Variants in OSBPL8 observed in about 807,000 individuals in gnomAD.
OSBPL8 encodes the protein oxysterol-binding protein-related protein 8.
Under a neutral mutation model 125.5 loss-of-function variants are expected in OSBPL8, and 59 were observed. The observed-to-expected ratio is 0.47, with a 90% confidence interval of 0.38 to 0.58. The LOEUF (loss-of-function observed/expected upper bound fraction) is 0.58, where lower values mean the gene tolerates loss of function less well. Among genes scored for constraint, OSBPL8 ranks in the 20% least tolerant of loss-of-function variants. The pLI, the probability that OSBPL8 is intolerant of heterozygous loss-of-function variation, is 0.00. For synonymous variants in OSBPL8, 330 were observed against 338.9 expected (o/e 0.97, Z 0.29); for missense variants, 758 against 1,047.8 (o/e 0.72, Z 3.82).
At chr12:76,410,235 C>T (rs1161469358) in intron 5 of OSBPL8, among the ~76,000 whole-genome samples, 1 of 152,010 alleles carries the variant, frequency 6.6e-6, no homozygotes, top group African/African-American at 2.4e-5. Context: ...ACTCAAAACA[C>T]TTAAGATTTT....
intron 1 of OSBPL8, among the ~76,000 whole-genome samples, chr12:76,508,620 T>C (rs191808578): frequency 1.1e-4 from 17 of 152,224 alleles, no homozygotes; most frequent in Admixed American, 5.9e-4. Flanking sequence ...ATAAAACAGG[T>C]TGTGATAAAA....
At chr12:76,429,798 T>C (rs1870597267) in intron 4 of OSBPL8, among the ~76,000 whole-genome samples, 1 of 152,050 alleles carries the variant, frequency 6.6e-6, no homozygotes. Context: ...GGAATAATGC[T>C]TACTGTCTCT....
intron 5 of OSBPL8, among the ~76,000 whole-genome samples, chr12:76,408,185 G>A (rs1954352673): frequency 6.7e-6 from 1 of 150,072 alleles, no homozygotes; most frequent in South Asian, 2.1e-4. Context: ...TTAATGGCCG[G>A]GCACGGTGAC....
intron 1 of OSBPL8, among the ~76,000 whole-genome samples, chr12:76,496,235 T>C (rs1879256550): frequency 6.6e-6 from 1 of 152,152 alleles, no homozygotes; most frequent in African/African-American, 2.4e-5. Context: ...TGTTCTTCCG[T>C]CCAGGGAATC....
At chr12:76,554,953 C>T (rs1012906369) in intron 1 of OSBPL8, among the ~76,000 whole-genome samples, 1 of 152,094 alleles carries the variant, frequency 6.6e-6, no homozygotes, top group African/African-American at 2.4e-5. Context: ...ATCAAAAACA[C>T]TACAAAGAGT....
At chr12:76,367,281 C>T (rs895910578) in intron 21 of OSBPL8, among the ~76,000 whole-genome samples, 3 of 149,392 alleles carry the variant, frequency 2.0e-5, no homozygotes, top group Non-Finnish European at 3.0e-5. Flanking sequence ...TTTATCAATA[C>T]GCCATGTTCT....
chr12:76,360,907 C>T (rs989243358), intron 21 of OSBPL8, among the ~76,000 whole-genome samples: 4 of 152,200 alleles, frequency 2.6e-5, no homozygotes, highest in Non-Finnish European at 5.9e-5. Context: ...CCCATGAAAC[C>T]ATTTTTTCCT....
Position 76,365,461 on chromosome 12 carries a change from T to C in OSBPL8, c.2328+3753A>G, listed in dbSNP as rs929608995. Among the ~76,000 whole-genome samples the C allele has an allele frequency of 1.8e-4, 28 of 152,344 alleles. No individual in the cohort carries two copies. The East Asian group carries it at 4.8e-3, about 26-fold the overall frequency. On this transcript the variant is annotated intron_variant, in intron 21 of 23. Transcript: ENST00000261183. The stretch of plus-strand genomic sequence containing the variant: ...ACAACTGATTTTTGTGTGTTGATCT[T>C]ATACCCTGCAATTTTTCTTAAGTTC...
chr12:76,535,975 CAT>C (rs1381294177), intron 1 of OSBPL8, among the ~76,000 whole-genome samples: 1 of 152,076 alleles, frequency 6.6e-6, no homozygotes, highest in African/African-American at 2.4e-5. Flanking sequence ...TGGGTGTATA[CAT>C]CTGTCAAAAT....
intron 1 of OSBPL8, chr12:76,536,973 A>G (rs1950517585): frequency 6.6e-6 from 1 of 152,482 alleles, no homozygotes; most frequent in African/African-American, 2.4e-5. Flanking sequence ...AAAAAGTTCT[A>G]TCTTTGTGTT....
At chr12:76,529,079 C>T (rs1001433161) in intron 1 of OSBPL8, among the ~76,000 whole-genome samples, 1 of 147,016 alleles carries the variant, frequency 6.8e-6, no homozygotes, top group African/African-American at 2.5e-5. Flanking sequence ...TTTTTTTTAA[C>T]TATGACAAAG....
intron 1 of OSBPL8, among the ~76,000 whole-genome samples, chr12:76,553,121 C>G (rs1950990765): frequency 6.6e-6 from 1 of 152,130 alleles, no homozygotes; most frequent in African/African-American, 2.4e-5. Context: ...ATTACTCTAC[C>G]CGGTAATAAT....
chr12:76,362,630 G>A (rs1259453093), intron 21 of OSBPL8, among the ~76,000 whole-genome samples: 1 of 152,138 alleles, frequency 6.6e-6, no homozygotes, highest in Non-Finnish European at 1.5e-5. Flanking sequence ...ACAAGACAAG[G>A]ATGCCCTCTC....
intron 3 of OSBPL8, among the ~76,000 whole-genome samples, chr12:76,456,656 A>G (rs1874087079): frequency 6.6e-6 from 1 of 152,164 alleles, no homozygotes; most frequent in Non-Finnish European, 1.5e-5. Context: ...AAGTACTAAT[A>G]GCCTACTGTT....
intron 3 of OSBPL8, among the ~76,000 whole-genome samples, chr12:76,451,248 T>C (rs1006638078): frequency 5.3e-5 from 8 of 152,116 alleles, no homozygotes; most frequent in African/African-American, 1.9e-4. Context: ...ATCCAACTGA[T>C]AATGAAAGGC....
In OSBPL8 at chr12:76,400,626, A is replaced by G. The variant is rs1176037336; in HGVS notation, c.367-652T>C. ...CTAAAGAGGTTTAGAATTTCATACT[A>G]TAATGGTGGAGTAGAAAAGTCTAAA... On this transcript the variant is annotated intron_variant, in intron 6 of 23. Transcript: ENST00000261183. Among the ~76,000 whole-genome samples the G allele has an allele frequency of 5.9e-5, 9 of 152,208 alleles. No individual in the cohort carries two copies. In the East Asian group the frequency reaches 1.5e-3, roughly 26 times the overall value.
chr12:76,392,335 G>A (rs1054370564), intron 10 of OSBPL8, among the ~76,000 whole-genome samples: 4 of 152,150 alleles, frequency 2.6e-5, no homozygotes, highest in African/African-American at 9.7e-5. Context: ...CACAGACAAG[G>A]TGAATAATTA....
intron 4 of OSBPL8, among the ~76,000 whole-genome samples, chr12:76,412,088 C>T (rs1868257636): frequency 6.6e-6 from 1 of 152,100 alleles, no homozygotes; most frequent in Non-Finnish European, 1.5e-5. Context: ...AAGCTTTATT[C>T]ATAATAGCCA....
intron 5 of OSBPL8, among the ~76,000 whole-genome samples, chr12:76,403,829 A>T (rs1954146967): frequency 1.3e-5 from 2 of 152,216 alleles, no homozygotes; most frequent in South Asian, 2.1e-4. Flanking sequence ...CTCAATTTTT[A>T]GATTAATAAG....
Sources: allele counts gnomAD v4.1 joint callset (sites outside exome capture counted in the v4.1 genomes callset), GRCh38; gene constraint gnomAD v4.1.1; transcripts MANE v1.5; gene names NCBI Gene and HGNC (gene_info 2026-07-23, HGNC 2026-07-21).